Variants in CLEC6A observed in about 807,000 individuals in gnomAD.
CLEC6A encodes C-type lectin domain containing 6A, also known as C-type lectin domain family 6 member A.
CLEC6A carries 22 observed loss-of-function variants against 25.7 expected under a neutral mutation model. That is an observed-to-expected ratio of 0.85 (90% confidence interval 0.61 to 1.22). CLEC6A has a LOEUF of 1.22. Among genes scored for constraint, CLEC6A ranks in the 50% most tolerant of loss-of-function variants. The pLI, the probability that CLEC6A is intolerant of heterozygous loss-of-function variation, is 0.00. For missense variants in CLEC6A, 240 were observed against 236.8 expected, an observed-to-expected ratio of 1.01 and a Z score of -0.09; for synonymous variants, 92 against 76.7, an observed-to-expected ratio of 1.20 and a Z score of -1.04.
rs1304735084 is a variant in CLEC6A, at chr12:8,460,797, T to G, written c.223+1099T>G. ...GCTACAAGGCCAAACAAGGTTACCT[T>G]ATATATAGGATTCGTGTTAGCCCTG... On this transcript the variant is annotated intron_variant, in intron 3 of 5. Coordinates refer to ENST00000382073, the MANE Select transcript of CLEC6A (RefSeq NM_001007033.2). The G allele has an allele frequency of 3.9e-6, 5 of 1,272,298 alleles. No individual in the cohort carries two copies. The East Asian group carries it at 9.2e-5, about 24-fold the overall frequency. The allele number at this position is 1,272,298 out of a possible 1,614,324, so 78.8% of individuals were successfully genotyped here.
intron 4 of CLEC6A, among the ~76,000 whole-genome samples, chr12:8,474,240 T>C (rs917195444): frequency 8.5e-5 from 13 of 152,304 alleles, no homozygotes; most frequent in African/African-American, 2.9e-4. Context: ...TTTGAGTTAA[T>C]TTTTGTCTAT....
At chr12:8,456,984 C>T (rs1565480885) in intron 1 of CLEC6A, among the ~76,000 whole-genome samples, 1 of 151,998 alleles carries the variant, frequency 6.6e-6, no homozygotes, top group Non-Finnish European at 1.5e-5. Context: ...GTGGCATGCA[C>T]CTGTAATCCT....
At chr12:8,459,878 C>T (rs1184473646) in intron 3 of CLEC6A, among the ~76,000 whole-genome samples, 180 bp downstream of exon 3, 1 of 152,156 alleles carries the variant, frequency 6.6e-6, no homozygotes, top group Non-Finnish European at 1.5e-5. Context: ...GACATGCCTC[C>T]AGAATAATTT....
At position 8,476,110 on chromosome 12, in the gene CLEC6A, T is replaced by G. The variant is rs1939970265; in HGVS notation, c.370-15T>G. Reference sequence around the variant, plus strand: ...AATACCAAAGTCTTTGACTCCTTTTTTTTCCTTCATGCAGAATTTCATTGT... The same window carrying G: ...AATACCAAAGTCTTTGACTCCTTTTGTTTCCTTCATGCAGAATTTCATTGT... On this transcript the variant is annotated splice_polypyrimidine_tract_variant and intron_variant, in intron 4 of 5. Coordinates refer to ENST00000382073, the MANE Select transcript of CLEC6A (RefSeq NM_001007033.2). 6.4e-7 allele frequency: 1 copy of G among 1,558,920 alleles called. No individual in the cohort carries two copies. The highest frequency in any genetic ancestry group is 8.8e-7 in the Non-Finnish European group (1 of 1,135,454).
intron 3 of CLEC6A, among the ~76,000 whole-genome samples, chr12:8,462,423 A>ATCTG (rs1171400542): frequency 1.5e-5 from 2 of 132,832 alleles, no homozygotes; most frequent in Non-Finnish European, 3.3e-5. Flanking sequence ...AGAGGAAGGC[A>ATCTG]TCTGTCTCCT....
intron 3 of CLEC6A, chr12:8,460,619 TG>T: frequency 7.5e-7 from 1 of 1,337,972 alleles, no homozygotes. Context: ...TAAGTCAAGA[TG>T]GGTGCATACA....
At chr12:8,474,594 G>T (rs117091437) in intron 4 of CLEC6A, among the ~76,000 whole-genome samples, 1 of 152,108 alleles carries the variant, frequency 6.6e-6, no homozygotes, top group Non-Finnish European at 1.5e-5. Context: ...TAACATTTTT[G>T]GCTGAGAAGC....
intron 3 of CLEC6A, among the ~76,000 whole-genome samples, chr12:8,462,765 T>C (rs1052331365): frequency 3.3e-4 from 50 of 152,186 alleles, no homozygotes; most frequent in African/African-American, 1.1e-3. Flanking sequence ...GGATCCTCCA[T>C]ATGCTGAACG....
At chr12:8,467,324 G>T (rs1372570696) in intron 4 of CLEC6A, among the ~76,000 whole-genome samples, 1 of 152,064 alleles carries the variant, frequency 6.6e-6, no homozygotes, top group Admixed American at 6.5e-5. Context: ...TACAGTTTTA[G>T]GCCTTTGTTT....
chr12:8,465,289 T>C (rs994352475), intron 3 of CLEC6A, among the ~76,000 whole-genome samples, 195 bp from the exon 4 acceptor site: 4 of 151,612 alleles, frequency 2.6e-5, no homozygotes, highest in African/African-American at 9.7e-5. Context: ...ATTCTGCAGG[T>C]AAACTTTAGT....
intron 3 of CLEC6A, chr12:8,460,475 G>A: frequency 1.7e-6 from 1 of 592,714 alleles, no homozygotes; most frequent in Non-Finnish European, 3.0e-6. Context: ...CTCCCACAGG[G>A]TCCCTCTCAC....
At chr12:8,458,106 A>G in intron 2 of CLEC6A, 119 bp downstream of exon 2, 1 of 630,556 alleles carries the variant, frequency 1.6e-6, no homozygotes, top group Non-Finnish European at 2.7e-6. Context: ...TTGGAATGCC[A>G]CACTTTCCTT....
chr12:8,460,274 T>C lies in CLEC6A; in HGVS notation c.223+576T>C, dbSNP rs915870287. ...AGAAAGAGGTTTATTGGACTCACAG[T>C]TCCACGTGGCTGGGGAGACCTCACA... On this transcript the variant is annotated intron_variant, in intron 3 of 5. Transcript: ENST00000382073. 2.0e-5 allele frequency among the ~76,000 whole-genome samples: 3 copies of C among 152,180 alleles called. No individual in the cohort carries two copies. The East Asian group carries it at 5.8e-4, about 29-fold the overall frequency.
chr12:8,457,535 T>A (rs894089589), intron 1 of CLEC6A, among the ~76,000 whole-genome samples: 2 of 152,202 alleles, frequency 1.3e-5, no homozygotes, highest in African/African-American at 4.8e-5. Context: ...ACAATAAACA[T>A]GGGAGTGCAG....
intron 4 of CLEC6A, among the ~76,000 whole-genome samples, chr12:8,470,691 A>G (rs1939893812): frequency 6.6e-6 from 1 of 152,150 alleles, no homozygotes; most frequent in Non-Finnish European, 1.5e-5. Context: ...AGTGGGAGCT[A>G]AGCTATGAGG....
intron 4 of CLEC6A, among the ~76,000 whole-genome samples, chr12:8,466,264 C>T (rs888866402): frequency 6.6e-6 from 1 of 152,182 alleles, no homozygotes; most frequent in East Asian, 1.9e-4. Flanking sequence ...ACATAAGATG[C>T]TACATTTCCA....
chr12:8,462,813 TTGTCTC>T (rs1939779489), intron 3 of CLEC6A, among the ~76,000 whole-genome samples: 1 of 152,020 alleles, frequency 6.6e-6, no homozygotes, highest in Non-Finnish European at 1.5e-5. Context: ...TCTCTATACT[TTGTCTC>T]TGTGTCTTTT....
At chr12:8,467,748 A>T (rs941176302) in intron 4 of CLEC6A, among the ~76,000 whole-genome samples, 1 of 152,168 alleles carries the variant, frequency 6.6e-6, no homozygotes, top group Non-Finnish European at 1.5e-5. Context: ...GGTAGGGATC[A>T]CATTGACTCT....
chr12:8,474,285 A>G (rs938011069), intron 4 of CLEC6A, among the ~76,000 whole-genome samples: 2 of 152,132 alleles, frequency 1.3e-5, no homozygotes, highest in Non-Finnish European at 2.9e-5. Flanking sequence ...ATTCTTCGGC[A>G]TATGATTACC....
Sources: allele counts gnomAD v4.1 joint callset (sites outside exome capture counted in the v4.1 genomes callset), GRCh38; gene constraint gnomAD v4.1.1; transcripts MANE v1.5; gene names NCBI Gene and HGNC (gene_info 2026-07-23, HGNC 2026-07-21).